The following IER3IP1 variants were observed in gnomAD, a reference collection of about 807,000 sequenced individuals.
The protein encoded by IER3IP1 is immediate early response 3 interacting protein 1.
Under a neutral mutation model 12.2 loss-of-function variants are expected in IER3IP1, and 16 were observed. The observed-to-expected ratio is 1.31, with a 90% CI of 0.89 to 1.99. The LOEUF (loss-of-function observed/expected upper bound fraction) is 1.99, where lower values mean the gene tolerates loss of function less well. Ranked by LOEUF, IER3IP1 falls within the 30% of genes most tolerant of loss-of-function variation. The pLI is 0.00. For missense variants in IER3IP1, 95 were observed against 95.8 expected (o/e 0.99, Z 0.03); for synonymous variants, 42 against 40.0 (o/e 1.05, Z -0.19).
intron 1 of IER3IP1, among the ~76,000 whole-genome samples, chr18:47,163,816 C>T (rs1158011601): frequency 6.6e-6 from 1 of 152,132 alleles, no homozygotes; most frequent in Middle Eastern, 3.2e-3. Flanking sequence ...CTCCCCACAA[C>T]ATGAATATCC....
intron 1 of IER3IP1, among the ~76,000 whole-genome samples, chr18:47,161,142 T>C (rs903168577): frequency 2.6e-5 from 4 of 152,234 alleles, no homozygotes; most frequent in Non-Finnish European, 4.4e-5. Flanking sequence ...TTTTTTTAAA[T>C]AGATATACCT....
chr18:47,157,384 C>T, intron 2 of IER3IP1, 52 bp downstream of exon 2: 3 of 1,507,452 alleles, frequency 2.0e-6, no homozygotes, highest in Non-Finnish European at 2.8e-6. Flanking sequence ...AGCCTTGCTA[C>T]TTAAACCACA....
At chr18:47,157,326 G>A in intron 2 of IER3IP1, 110 bp downstream of exon 2, 9 of 834,864 alleles carry the variant, frequency 1.1e-5, no homozygotes, top group South Asian at 4.8e-5. Flanking sequence ...ATGTTAAAGA[G>A]AAAAAAAATT....
intron 1 of IER3IP1, among the ~76,000 whole-genome samples, chr18:47,158,045 C>CA (rs1342134859): frequency 6.6e-6 from 1 of 152,054 alleles, no homozygotes; most frequent in Admixed American, 6.6e-5. Flanking sequence ...ATCATAATAC[C>CA]AAAATACACA....
intron 1 of IER3IP1, 152 bp downstream of exon 1, chr18:47,176,035 T>A: frequency 1.4e-6 from 1 of 717,978 alleles, no homozygotes; most frequent in Non-Finnish European, 2.5e-6. Flanking sequence ...AGCCCAAACC[T>A]GATGAGAGGA....
Position 47,172,071 on chromosome 18 carries a change from G to A in IER3IP1, c.91+4116C>T, listed in dbSNP as rs1176690859. On this transcript the variant is annotated intron_variant, in intron 1 of 2. Coordinates refer to ENST00000256433, the MANE Select transcript of IER3IP1 (RefSeq NM_016097.5). This position sits in a 1 kb window ranked among gnomAD's most constrained non-coding sequence, Gnocchi z 4.0. The stretch of plus-strand genomic sequence containing the variant: ...TGCTGGGATTACAGGCATGAGCCAC[G>A]GTGCTGGGCCTTCTGTTTTGGTCTT... Among the ~76,000 whole-genome samples, 2 of 151,994 alleles carry A rather than the reference G, an allele frequency of 1.3e-5. No homozygotes were observed. The highest frequency in any genetic ancestry group is 2.9e-5 in the Non-Finnish European group (2 of 67,982).
intron 1 of IER3IP1, 92 bp downstream of exon 1, chr18:47,176,095 G>C: frequency 2.0e-6 from 2 of 1,021,754 alleles, no homozygotes; most frequent in South Asian, 2.7e-5. Flanking sequence ...CTTCTGTCCC[G>C]GCCCTTGGTG....
chr18:47,169,870 G>A (rs1270360119), intron 1 of IER3IP1, among the ~76,000 whole-genome samples: 2 of 152,060 alleles, frequency 1.3e-5, no homozygotes, highest in African/African-American at 4.8e-5. Flanking sequence ...AGATACCTGA[G>A]TTGTAAATAT....
At chr18:47,171,335 T>C (rs1431663644) in intron 1 of IER3IP1, among the ~76,000 whole-genome samples, 1 of 152,196 alleles carries the variant, frequency 6.6e-6, no homozygotes, top group East Asian at 1.9e-4. Flanking sequence ...GATAGTCTCT[T>C]TTCTTGTGAT....
At chr18:47,158,512 T>C (rs1309624994) in intron 1 of IER3IP1, among the ~76,000 whole-genome samples, 1 of 151,922 alleles carries the variant, frequency 6.6e-6, no homozygotes, top group African/African-American at 2.4e-5. Flanking sequence ...CGGCTAATTT[T>C]TGTATTTTTA....
chr18:47,170,344 T>C (rs1270629635), intron 1 of IER3IP1, among the ~76,000 whole-genome samples: 2 of 152,088 alleles, frequency 1.3e-5, no homozygotes, highest in African/African-American at 4.8e-5. Flanking sequence ...GCACAACTCC[T>C]CCAATTTTGT....
At chr18:47,170,890 G>C (rs1305565854) in intron 1 of IER3IP1, among the ~76,000 whole-genome samples, 2 of 151,804 alleles carry the variant, frequency 1.3e-5, no homozygotes, top group Non-Finnish European at 2.9e-5. Flanking sequence ...TTGTCTAACT[G>C]TCCTGGTTAG....
chr18:47,156,072 C>T lies in IER3IP1; in HGVS notation c.*105G>A. 1.4e-6 allele frequency: 1 copy of T among 726,458 alleles called. No individual in the cohort carries two copies. The highest frequency in any genetic ancestry group is 1.7e-5 in the South Asian group (1 of 59,932). 45.0% of individuals were successfully genotyped at this position (726,458 alleles called of 1,614,324 possible). ...TTTATTTTCAGCTTTACATTTTTGA[C>T]AAGTGCAAGGTCAGCCAGCTAAGAT... On this transcript the variant is annotated 3_prime_UTR_variant, in exon 3 of 3. Transcript: ENST00000256433.
intron 1 of IER3IP1, among the ~76,000 whole-genome samples, chr18:47,163,407 G>A (rs1380521535): frequency 1.3e-5 from 2 of 152,144 alleles, no homozygotes; most frequent in Non-Finnish European, 2.9e-5. Flanking sequence ...GGAATAGGAC[G>A]GTGCAAGACT....
At chr18:47,157,306 C>G (rs1441954342) in intron 2 of IER3IP1, 130 bp downstream of exon 2, 1 of 692,556 alleles carries the variant, frequency 1.4e-6, no homozygotes, top group Non-Finnish European at 2.5e-6. Flanking sequence ...AACTTTCAAG[C>G]AGCAAAGCCA....
Position 47,155,891 on chromosome 18 carries a change from C to A in IER3IP1, c.*286G>T. Reference sequence around the variant, plus strand: ...AAAAAAGAGAAGCAACAGTCTTGCACCCTTTTAACAATCTCACCACAGCAT... The same window carrying A: ...AAAAAAGAGAAGCAACAGTCTTGCAACCTTTTAACAATCTCACCACAGCAT... On this transcript the variant is annotated 3_prime_UTR_variant, in exon 3 of 3. Transcript: ENST00000256433. The A allele has an allele frequency of 7.0e-6, 2 of 286,010 alleles. No homozygotes were observed. Among genetic ancestry groups the A allele is most frequent in the Non-Finnish European group, 1.3e-5 (2 of 154,778 alleles). 17.7% of individuals were successfully genotyped at this position (286,010 alleles called of 1,614,324 possible). A position where few individuals can be genotyped will look rare whatever the true frequency, so the allele number is the denominator to read the frequency against.
At chr18:47,161,757 T>C (rs1013106178) in intron 1 of IER3IP1, among the ~76,000 whole-genome samples, 2 of 152,082 alleles carry the variant, frequency 1.3e-5, no homozygotes, top group South Asian at 2.1e-4. Context: ...ATTTATTGTG[T>C]ACTTTATTTC....
At chr18:47,160,798 C>G (rs2063977603) in intron 1 of IER3IP1, among the ~76,000 whole-genome samples, 2 of 152,134 alleles carry the variant, frequency 1.3e-5, no homozygotes, top group Non-Finnish European at 2.9e-5. Context: ...CATGCTCTAG[C>G]CTGCCAGGAG....
chr18:47,173,975 A>G (rs2064023211), intron 1 of IER3IP1, among the ~76,000 whole-genome samples: 1 of 152,190 alleles, frequency 6.6e-6, no homozygotes, highest in Non-Finnish European at 1.5e-5. Context: ...CATTGGCTCT[A>G]AAGCCCTCAA....
Sources: allele counts gnomAD v4.1 joint callset (sites outside exome capture counted in the v4.1 genomes callset), GRCh38; gene constraint gnomAD v4.1.1; non-coding constraint Gnocchi (gnomAD v3.1); transcripts MANE v1.5; gene names NCBI Gene and HGNC (gene_info 2026-07-23, HGNC 2026-07-21).